The following CLPTM1 variants were observed in gnomAD, a reference collection of about 807,000 sequenced individuals.
CLPTM1 encodes the protein CLPTM1 regulator of GABA type A receptor forward trafficking.
A neutral mutation model predicts 77.3 loss-of-function variants in CLPTM1; 21 were observed. That is an observed-to-expected ratio of 0.27 (90% CI 0.19 to 0.39). The LOEUF (loss-of-function observed/expected upper bound fraction) is 0.39. Among genes scored for constraint, CLPTM1 ranks in the 10% least tolerant of loss-of-function variants. The probability of loss-of-function intolerance (pLI) is 1.00; values close to 1 mark genes in which losing one functional copy is unlikely to be tolerated. For missense variants in CLPTM1, 642 were observed against 921.2 expected, an observed-to-expected ratio of 0.70 and a Z score of 3.92; for synonymous variants, 373 against 381.0, an observed-to-expected ratio of 0.98 and a Z score of 0.24.
rs1246095999 is a variant in CLPTM1 at position 44,968,247 on chromosome 19, G to T, written c.186-4840G>T. 2.0e-5 allele frequency among the ~76,000 whole-genome samples: 3 copies of T among 152,114 alleles called. No individual in the cohort carries two copies. In the East Asian group the frequency reaches 5.8e-4, roughly 29 times the overall value. On this transcript the variant is annotated intron_variant, in intron 2 of 13. Coordinates refer to ENST00000337392, the MANE Select transcript of CLPTM1 (RefSeq NM_001294.4). The stretch of plus-strand genomic sequence containing the variant: ...GTTCTTAAAATGGGATCCAGGGTTT[G>T]TTTTCAGGGGCCCATGAACTCCTTG...
intron 1 of CLPTM1, among the ~76,000 whole-genome samples, chr19:44,959,189 G>T (rs754300625): frequency 2.0e-5 from 3 of 151,342 alleles, no homozygotes; most frequent in Admixed American, 1.3e-4. Flanking sequence ...GAACATTCAT[G>T]TACAGGCTTT....
At chr19:44,973,862 C>G (rs1230977190) in intron 3 of CLPTM1, among the ~76,000 whole-genome samples, 1 of 151,036 alleles carries the variant, frequency 6.6e-6, no homozygotes, top group Non-Finnish European at 1.5e-5. Flanking sequence ...CTCCCGGGCT[C>G]CAGTGATCCT....
upstream of CLPTM1, chr19:44,955,070 TCA>T: frequency 2.6e-6 from 4 of 1,535,668 alleles, no homozygotes; most frequent in Non-Finnish European, 2.6e-6. Flanking sequence ...CCCGAAAGGC[TCA>T]TATAACCGAA....
chr19:44,987,482 G>A (rs1344370057), intron 8 of CLPTM1, 59 bp downstream of exon 8: 1 of 1,598,034 alleles, frequency 6.3e-7, no homozygotes, highest in Admixed American at 1.7e-5. Flanking sequence ...AAGAGGCCAA[G>A]AGGAAGTGTG....
In CLPTM1 at chr19:44,991,455, C is replaced by G. The variant is rs1971074712; in HGVS notation, c.1555+82C>G. On this transcript the variant is annotated intron_variant, in intron 12 of 13. Coordinates refer to ENST00000337392, the MANE Select transcript of CLPTM1 (RefSeq NM_001294.4). This position sits in a 1 kb window ranked among gnomAD's most constrained non-coding sequence, Gnocchi z 5.4. ...GCCCCAGTGTAGGAGACAGACCCAT[C>G]CCCAGACAGGGACAACCTAGGGTGG... 1 of 1,535,372 alleles carries G rather than the reference C, an allele frequency of 6.5e-7. No homozygotes were observed. The highest frequency in any genetic ancestry group is 2.3e-5 in the East Asian group (1 of 44,066).
At position 44,992,518 on chromosome 19, in the gene CLPTM1, C is replaced by T. The variant is rs761227400; in HGVS notation, c.1724-93C>T. 2.5e-5 allele frequency: 39 copies of T among 1,588,244 alleles called. 1 individual carries two copies. The Middle Eastern group carries it at 5.5e-3, about 225-fold the overall frequency. ...ATGGGGTGCTCAGTCTGAGGGGGCT[C>T]GGCCCCGCCCTTGCATCACGCCCTC... On this transcript the variant is annotated intron_variant, in intron 13 of 13. Transcript: ENST00000337392. The surrounding 1 kb of genome is among the most constrained non-coding windows in gnomAD (Gnocchi z 7.7).
At chr19:44,978,834 G>A (rs903932456) in intron 5 of CLPTM1, among the ~76,000 whole-genome samples, 1 of 151,158 alleles carries the variant, frequency 6.6e-6, no homozygotes, top group Non-Finnish European at 1.5e-5. Flanking sequence ...GAGTACTAGA[G>A]TACATCAGTA....
intron 1 of CLPTM1, among the ~76,000 whole-genome samples, chr19:44,958,077 G>A (rs1433795263): frequency 3.3e-5 from 5 of 152,204 alleles, no homozygotes; most frequent in East Asian, 1.9e-4. Context: ...GGGGTGGGTA[G>A]AAGAGTTGCA....
At chr19:44,959,918 C>T (rs546678425) in intron 1 of CLPTM1, among the ~76,000 whole-genome samples, 3 of 152,252 alleles carry the variant, frequency 2.0e-5, no homozygotes, top group Non-Finnish European at 4.4e-5. Context: ...GGAAGGTTCC[C>T]AGCCAGATTG....
chr19:44,964,255 A>G (rs1438063010), intron 2 of CLPTM1, among the ~76,000 whole-genome samples: 6 of 150,088 alleles, frequency 4.0e-5, no homozygotes, highest in Non-Finnish European at 5.9e-5. Flanking sequence ...ACATCTGCAC[A>G]TAACATCAAA....
At chr19:44,982,742 G>A (rs1034445229) in intron 5 of CLPTM1, among the ~76,000 whole-genome samples, 1 of 152,214 alleles carries the variant, frequency 6.6e-6, no homozygotes, top group African/African-American at 2.4e-5. Context: ...GGACACAGGA[G>A]GAAGATCCCC....
At chr19:44,983,821 G>T (rs1349294933) in intron 5 of CLPTM1, among the ~76,000 whole-genome samples, 4 of 151,926 alleles carry the variant, frequency 2.6e-5, no homozygotes, top group Non-Finnish European at 2.9e-5. Flanking sequence ...AATTAGCAGA[G>T]CCTGGTGGCA....
chr19:44,986,208 A>G (rs1277662926), intron 6 of CLPTM1, among the ~76,000 whole-genome samples: 1 of 152,068 alleles, frequency 6.6e-6, no homozygotes, highest in Non-Finnish European at 1.5e-5. Context: ...AAAGAAAGAA[A>G]GAAAAGAAGC....
chr19:44,958,324 TGGAGGCCATGG>T (rs894240830), intron 1 of CLPTM1, among the ~76,000 whole-genome samples: 14 of 150,090 alleles, frequency 9.3e-5, no homozygotes, highest in Non-Finnish European at 1.9e-4. Context: ...TGCCAAGCTT[TGGAGGCCATGG>T]GGAGGACTTG....
In CLPTM1 at chr19:44,964,063, G is replaced by A. The variant is rs529706638; in HGVS notation, c.185+1988G>A. ...TTACAGGCGTGAGCCACTGGGCCCTGCCTGACCCTCAGAAGTTGAAGCTGC... is the reference window on the plus strand; with the variant it reads ...TTACAGGCGTGAGCCACTGGGCCCTACCTGACCCTCAGAAGTTGAAGCTGC... On this transcript the variant is annotated intron_variant, in intron 2 of 13. Transcript: ENST00000337392. Among the ~76,000 whole-genome samples, 9 of 151,968 alleles carry A rather than the reference G, an allele frequency of 5.9e-5. No homozygotes were observed. In the East Asian group the frequency reaches 1.8e-3, roughly 30 times the overall value.
At chr19:44,969,687 CTT>C (rs11330180) in intron 2 of CLPTM1, among the ~76,000 whole-genome samples, 7,360 of 132,400 alleles carry the variant, frequency 0.056, 197 homozygotes, top group South Asian at 0.092. Flanking sequence ...TTTAAGGACA[CTT>C]TTTTTTTTTT....
At chr19:44,969,126 A>C (rs1970679102) in intron 2 of CLPTM1, among the ~76,000 whole-genome samples, 1 of 152,180 alleles carries the variant, frequency 6.6e-6, no homozygotes, top group Admixed American at 6.5e-5. Flanking sequence ...AACACTTCTC[A>C]GTCACTTACT....
At chr19:44,970,375 T>C (rs879821791) in intron 2 of CLPTM1, among the ~76,000 whole-genome samples, 2 of 142,968 alleles carry the variant, frequency 1.4e-5, no homozygotes, top group Non-Finnish European at 3.0e-5. Flanking sequence ...GGTTACCTCA[T>C]ATGTTGTATG....
intron 1 of CLPTM1, among the ~76,000 whole-genome samples, chr19:44,958,054 G>A (rs1970490108): frequency 2.0e-5 from 3 of 152,154 alleles, no homozygotes; most frequent in South Asian, 2.1e-4. Flanking sequence ...GCTGGGATGG[G>A]GATAGGAAGT....
Sources: allele counts gnomAD v4.1 joint callset (sites outside exome capture counted in the v4.1 genomes callset), GRCh38; gene constraint gnomAD v4.1.1; non-coding constraint Gnocchi (gnomAD v3.1); transcripts MANE v1.5; gene names NCBI Gene and HGNC (gene_info 2026-07-23, HGNC 2026-07-21).